Variants in EHBP1 observed in about 807,000 individuals in gnomAD.
EHBP1 encodes the protein EH domain binding protein 1, also known as EH domain-binding protein 1.
In EHBP1, 55 loss-of-function variants were observed where a neutral mutation model predicts 144.0. That is an observed-to-expected ratio of 0.38 (90% CI 0.31 to 0.48). The LOEUF is 0.48. Ranked by LOEUF, EHBP1 falls within the 20% of genes least tolerant of loss-of-function variation. The pLI is 0.98. For missense variants in EHBP1, 1,200 were observed against 1,364.2 expected (o/e 0.88, Z 1.90); for synonymous variants, 469 against 472.7 (o/e 0.99, Z 0.10).
chr2:62,838,086 G>T (rs2047445528), intron 7 of EHBP1, among the ~76,000 whole-genome samples: 1 of 151,176 alleles, frequency 6.6e-6, no homozygotes. Flanking sequence ...CCACATAGTT[G>T]GAAGTAAAGC....
intron 13 of EHBP1, among the ~76,000 whole-genome samples, chr2:62,950,172 A>G (rs2057300708): frequency 6.6e-6 from 1 of 152,010 alleles, no homozygotes; most frequent in Admixed American, 6.6e-5. Flanking sequence ...TGCCATCAAA[A>G]GCATTGTTAC....
chr2:62,911,333 G>T (rs1176691196), intron 10 of EHBP1, among the ~76,000 whole-genome samples: 4 of 152,190 alleles, frequency 2.6e-5, no homozygotes, highest in Non-Finnish European at 5.9e-5. Context: ...GTAAGTGACA[G>T]ATGCTACTGC....
intron 5 of EHBP1, among the ~76,000 whole-genome samples, chr2:62,820,962 T>C (rs1201110651): frequency 6.6e-6 from 1 of 150,974 alleles, no homozygotes; most frequent in Non-Finnish European, 1.5e-5. Flanking sequence ...GTGGTGAGTA[T>C]AGGATATTCA....
intron 19 of EHBP1, among the ~76,000 whole-genome samples, chr2:63,027,097 A>T (rs1320006246): frequency 6.6e-6 from 1 of 152,216 alleles, no homozygotes; most frequent in Admixed American, 6.5e-5. Flanking sequence ...GTGGTGGCTC[A>T]CAAGACAAAC....
chr2:62,892,153 G>A (rs1573930578), intron 10 of EHBP1, among the ~76,000 whole-genome samples: 1 of 152,136 alleles, frequency 6.6e-6, no homozygotes, highest in Non-Finnish European at 1.5e-5. Flanking sequence ...AATTCTTAGA[G>A]ATTAATAGTG....
intron 7 of EHBP1, among the ~76,000 whole-genome samples, chr2:62,855,321 C>T (rs2048963040): frequency 1.3e-5 from 2 of 152,200 alleles, no homozygotes; most frequent in Admixed American, 1.3e-4. Flanking sequence ...GGCAGCAGAC[C>T]CCTTCTGGAT....
intron 8 of EHBP1, among the ~76,000 whole-genome samples, chr2:62,861,589 A>G (rs2049551870): frequency 6.6e-6 from 1 of 151,880 alleles, no homozygotes; most frequent in African/African-American, 2.4e-5. Flanking sequence ...CTTAACATAC[A>G]AAAGTTAGCC....
intron 10 of EHBP1, among the ~76,000 whole-genome samples, chr2:62,875,705 A>G (rs1185012055): frequency 6.6e-6 from 1 of 152,228 alleles, no homozygotes; most frequent in Non-Finnish European, 1.5e-5. Context: ...ATCAAGATTC[A>G]GGAGAAAGTT....
chr2:63,013,336 C>T (rs1020158938), intron 19 of EHBP1, among the ~76,000 whole-genome samples: 2 of 152,222 alleles, frequency 1.3e-5, no homozygotes, highest in African/African-American at 4.8e-5. Flanking sequence ...AAGGAAAAGT[C>T]AGAGCTGTGA....
At chr2:63,016,152 A>C (rs528523413) in intron 19 of EHBP1, among the ~76,000 whole-genome samples, 1 of 152,336 alleles carries the variant, frequency 6.6e-6, no homozygotes, top group Non-Finnish European at 1.5e-5. Flanking sequence ...GTGAATTTTT[A>C]ACACAATTTT....
chr2:62,800,175 G>C (rs1430235840), intron 5 of EHBP1, among the ~76,000 whole-genome samples: 1 of 152,116 alleles, frequency 6.6e-6, no homozygotes, highest in African/African-American at 2.4e-5. Flanking sequence ...GATGATGCTT[G>C]AATTTTGAAG....
intron 10 of EHBP1, among the ~76,000 whole-genome samples, chr2:62,885,975 CTG>C (rs1262288745): frequency 2.0e-5 from 3 of 152,174 alleles, no homozygotes; most frequent in East Asian, 3.9e-4. Context: ...CTAAGCAAGA[CTG>C]AGGGTTTTCA....
At chr2:62,833,707 T>C (rs961532200) in intron 7 of EHBP1, among the ~76,000 whole-genome samples, 1 of 152,224 alleles carries the variant, frequency 6.6e-6, no homozygotes, top group African/African-American at 2.4e-5. Context: ...AAGAGATTAG[T>C]GTTGTTTCTG....
intron 5 of EHBP1, among the ~76,000 whole-genome samples, chr2:62,812,756 G>A (rs1335855711): frequency 6.6e-6 from 1 of 152,138 alleles, no homozygotes; most frequent in Non-Finnish European, 1.5e-5. Context: ...CAAAATATTC[G>A]AGGAGATGCA....
chr2:62,739,491 C>G lies in EHBP1; in HGVS notation c.105-7904C>G, dbSNP rs544287967. Among the ~76,000 whole-genome samples the G allele has an allele frequency of 2.0e-5, 3 of 150,360 alleles. No homozygotes were observed. The East Asian group carries it at 5.9e-4, about 29-fold the overall frequency. ...ACATGTGAGGCTTCTTCCAATAGGT[C>G]TAGAAGAAAAGAGTAAATAATATGC... On this transcript the variant is annotated intron_variant, in intron 2 of 22. Transcript: ENST00000431489.
intron 10 of EHBP1, among the ~76,000 whole-genome samples, chr2:62,878,854 C>T (rs1314080353): frequency 6.6e-6 from 1 of 151,714 alleles, no homozygotes; most frequent in African/African-American, 2.4e-5. Context: ...ACCGTCTCTA[C>T]TAAAAATGCA....
At chr2:63,009,477 G>A (rs2060182739) in intron 19 of EHBP1, among the ~76,000 whole-genome samples, 1 of 151,510 alleles carries the variant, frequency 6.6e-6, no homozygotes, top group Non-Finnish European at 1.5e-5. Flanking sequence ...ACCCTCTTTA[G>A]GTTAAGGTGT....
intron 1 of EHBP1, among the ~76,000 whole-genome samples, chr2:62,684,018 T>G (rs2033630265): frequency 6.6e-6 from 1 of 152,198 alleles, no homozygotes; most frequent in Admixed American, 6.5e-5. Flanking sequence ...AGATCCCATG[T>G]TCTCAGAGTG....
At chr2:63,039,228 T>C (rs1014187600) in intron 21 of EHBP1, among the ~76,000 whole-genome samples, 4 of 152,228 alleles carry the variant, frequency 2.6e-5, no homozygotes, top group African/African-American at 9.6e-5. Flanking sequence ...CATTGAAATA[T>C]GTTCCTGTTC....
Sources: gnomAD v4.1 joint callset for allele counts (sites outside exome capture counted in the v4.1 genomes callset) on GRCh38, gnomAD v4.1.1 for gene constraint, MANE v1.5 for transcripts, NCBI Gene and HGNC (gene_info 2026-07-23, HGNC 2026-07-21) for gene names.